MBLAC2: variants seen among roughly 807,000 people sequenced by gnomAD.
MBLAC2 encodes the protein acyl-coenzyme A thioesterase MBLAC2.
A neutral mutation model predicts 23.3 loss-of-function variants in MBLAC2; 24 were observed. The ratio of observed to expected loss-of-function variants is 1.03; its 90% CI spans 0.75 to 1.45. The LOEUF (loss-of-function observed/expected upper bound fraction) is 1.45. Ranked by LOEUF, MBLAC2 falls within the 40% of genes most tolerant of loss-of-function variation. The pLI is 0.00. For missense variants in MBLAC2, 358 were observed against 370.0 expected, an observed-to-expected ratio of 0.97 and a Z score of 0.27; for synonymous variants, 162 against 150.9, an observed-to-expected ratio of 1.07 and a Z score of -0.54.
intron 1 of MBLAC2, chr5:90,473,636 C>G (rs1265703040): frequency 1.4e-6 from 1 of 695,448 alleles, no homozygotes; most frequent in Non-Finnish European, 2.6e-6. Flanking sequence ...GATGCCAGAG[C>G]TGGTCTCTGG....
chr5:90,464,161 C>A (rs981790035), intron 1 of MBLAC2, among the ~76,000 whole-genome samples: 1 of 152,138 alleles, frequency 6.6e-6, no homozygotes, highest in South Asian at 2.1e-4. Flanking sequence ...CATTTTATAA[C>A]GGGACAATTT....
intron 1 of MBLAC2, among the ~76,000 whole-genome samples, chr5:90,471,377 A>G (rs567734509): frequency 2.4e-4 from 37 of 152,316 alleles, no homozygotes; most frequent in African/African-American, 8.7e-4. Flanking sequence ...ACTTGACTAT[A>G]GTGAAAAATG....
At chr5:90,473,817 C>T in intron 1 of MBLAC2, 22 bp downstream of exon 1, 2 of 1,554,072 alleles carry the variant, frequency 1.3e-6, no homozygotes, top group African/African-American at 1.4e-5. Context: ...AACGAGAGCG[C>T]GCGCCCGCGG....
chr5:90,474,234 T>G lies in MBLAC2; in HGVS notation c.59A>C (p.Gln20Pro). 6.2e-7 allele frequency: 1 copy of G among 1,613,512 alleles called. No homozygotes were observed. The highest frequency in any genetic ancestry group is 1.3e-5 in the African/African-American group (1 of 75,012). The stretch of plus-strand genomic sequence containing the variant: ...GTTGCCCGACTCGTAGAAACGTTCT[T>G]GAATCCAGAAGATACCATCGCCTAG... The part of the protein sequence containing the change: ...KSLGDGIFWI[Q>P]ERFYESGNRA... The change falls in exon 1 of 2, where the codon CAA (glutamine) becomes CCA (proline). Residue 20 changes from glutamine to proline, a missense_variant. Gln to Pro is a moderately conservative substitution (Grantham distance 76). Coordinates refer to ENST00000316610, the MANE Select transcript of MBLAC2 (RefSeq NM_203406.2).
intron 1 of MBLAC2, among the ~76,000 whole-genome samples, chr5:90,463,706 C>A (rs575788630): frequency 1.3e-5 from 2 of 152,090 alleles, no homozygotes; most frequent in South Asian, 2.1e-4. Context: ...AAGAACAAAT[C>A]AAACACAAAG....
intron 1 of MBLAC2, among the ~76,000 whole-genome samples, chr5:90,466,935 C>T (rs1447406532): frequency 2.6e-5 from 4 of 152,070 alleles, no homozygotes; most frequent in Admixed American, 6.6e-5. Flanking sequence ...GTCAGGAGTT[C>T]GAGATCACCC....
rs931538221 is a variant in MBLAC2 at position 90,458,797 on chromosome 5, A to C, written c.*2370T>G. The C allele has an allele frequency of 1.3e-5, 2 of 152,202 alleles. No homozygotes were observed. Among genetic ancestry groups the C allele is most frequent in the Non-Finnish European group, 2.9e-5 (2 of 68,010 alleles). 9.4% of individuals were successfully genotyped at this position (152,202 alleles called of 1,614,324 possible). ...GGAGTAAGATTAAATTAAATAATGC[A>C]TATTTTAAATGTACAGCATGGGCAC... On this transcript the variant is annotated 3_prime_UTR_variant, in exon 2 of 2. Coordinates refer to ENST00000316610, the MANE Select transcript of MBLAC2 (RefSeq NM_203406.2).
rs114749727 is a variant in MBLAC2, at chr5:90,474,741, C to A, written c.-449G>T. On this transcript the variant is annotated 5_prime_UTR_variant, in exon 1 of 2. Coordinates refer to ENST00000316610, the MANE Select transcript of MBLAC2 (RefSeq NM_203406.2). ...CTGCAGGGCGCGCACTCCCAGCTGG[C>A]GCAGAAAGTGTGGGGCCTCGCGGGT... 0.031 allele frequency: 5,839 copies of A among 187,640 alleles called. 383 individuals carry two copies. The highest frequency in any genetic ancestry group is 0.13 in the African/African-American group (5,557 of 41,758). 11.6% of individuals were successfully genotyped at this position (187,640 alleles called of 1,614,324 possible). A position where few individuals can be genotyped will look rare whatever the true frequency, so the allele number is the denominator to read the frequency against.
intron 1 of MBLAC2, among the ~76,000 whole-genome samples, chr5:90,466,252 C>T (rs541152043): frequency 5.9e-5 from 9 of 152,298 alleles, no homozygotes; most frequent in South Asian, 2.1e-4. Flanking sequence ...GATAATTCAA[C>T]GGATAAAATG....
intron 1 of MBLAC2, among the ~76,000 whole-genome samples, chr5:90,464,263 G>C (rs946543585): frequency 6.6e-6 from 1 of 152,022 alleles, no homozygotes; most frequent in East Asian, 1.9e-4. Context: ...GCCAGACAAA[G>C]ACAATATATT....
At chr5:90,465,535 G>A (rs904082519) in intron 1 of MBLAC2, among the ~76,000 whole-genome samples, 1 of 152,134 alleles carries the variant, frequency 6.6e-6, no homozygotes, top group Non-Finnish European at 1.5e-5. Flanking sequence ...AATGGTGCTT[G>A]AAATAAAGCT....
intron 1 of MBLAC2, chr5:90,473,503 G>T (rs140174925): frequency 3.8e-5 from 22 of 585,668 alleles, no homozygotes; most frequent in African/African-American, 3.6e-4. Flanking sequence ...GGTGCTTAGG[G>T]AAAGAATGAG....
Position 90,460,966 on chromosome 5 carries a change from C to A in MBLAC2, c.*201G>T. ...GATGACAGCTTTGGCAAAGTATAAGCTTATTTAAGTGGCTTCTTTCTTGGA... is the reference window on the plus strand; with the variant it reads ...GATGACAGCTTTGGCAAAGTATAAGATTATTTAAGTGGCTTCTTTCTTGGA... On this transcript the variant is annotated 3_prime_UTR_variant, in exon 2 of 2. Coordinates refer to ENST00000316610, the MANE Select transcript of MBLAC2 (RefSeq NM_203406.2). 2.0e-6 allele frequency: 1 copy of A among 494,638 alleles called. No individual in the cohort carries two copies. Among genetic ancestry groups the A allele is most frequent in the Non-Finnish European group, 3.5e-6 (1 of 287,828 alleles). The allele number at this position is 494,638 out of a possible 1,614,324, so 30.6% of individuals were successfully genotyped here. A position where few individuals can be genotyped will look rare whatever the true frequency, so the allele number is the denominator to read the frequency against.
chr5:90,474,243 A>T lies in MBLAC2; in HGVS notation c.50T>A (p.Phe17Tyr). 6.2e-7 allele frequency: 1 copy of T among 1,613,646 alleles called. No homozygotes were observed. Among genetic ancestry groups the T allele is most frequent in the Non-Finnish European group, 8.5e-7 (1 of 1,179,840 alleles). ...CTCGTAGAAACGTTCTTGAATCCAG[A>T]AGATACCATCGCCTAGAGACTTGTG... Reference protein sequence around the residue: ...YAHKSLGDGIFWIQERFYESG... With the variant: ...YAHKSLGDGIYWIQERFYESG... Residue 17 changes from phenylalanine (F) to tyrosine (Y), a missense_variant, in exon 1 of 2, where the codon TTC becomes TAC. Physicochemically the swap from Phe to Tyr is conservative, Grantham distance 22 (BLOSUM62 3). Coordinates refer to ENST00000316610, the MANE Select transcript of MBLAC2 (RefSeq NM_203406.2).
intron 1 of MBLAC2, among the ~76,000 whole-genome samples, chr5:90,470,785 C>CACACACACACACACA (rs3220210): frequency 1.4e-5 from 2 of 148,068 alleles, no homozygotes; most frequent in Non-Finnish European, 3.0e-5. Flanking sequence ...CACACACACA[C>CACACACACACACACA]GCTTTCTTTC....
At chr5:90,469,665 G>C (rs1202196198) in intron 1 of MBLAC2, among the ~76,000 whole-genome samples, 1 of 151,866 alleles carries the variant, frequency 6.6e-6, no homozygotes, top group Non-Finnish European at 1.5e-5. Flanking sequence ...TATAATGCTT[G>C]GTTGCCTATT....
chr5:90,463,259 T>A (rs1369574446), intron 1 of MBLAC2, among the ~76,000 whole-genome samples: 1 of 152,226 alleles, frequency 6.6e-6, no homozygotes, highest in East Asian at 1.9e-4. Flanking sequence ...AATTTTTATA[T>A]TTTTAGTAGA....
intron 1 of MBLAC2, chr5:90,472,030 CT>C (rs1561240944): frequency 6.6e-6 from 1 of 152,184 alleles, no homozygotes; most frequent in Non-Finnish European, 1.5e-5. Context: ...CTACCATCAA[CT>C]GGAAACCTGG....
rs1045889679 is a variant in MBLAC2, at chr5:90,460,963, A to C, written c.*204T>G. ...CAAGATGACAGCTTTGGCAAAGTAT[A>C]AGCTTATTTAAGTGGCTTCTTTCTT... On this transcript the variant is annotated 3_prime_UTR_variant, in exon 2 of 2. Transcript: ENST00000316610. The C allele has an allele frequency of 8.2e-6, 4 of 485,546 alleles. No homozygotes were observed. Among genetic ancestry groups the C allele is most frequent in the Non-Finnish European group, 1.4e-5 (4 of 281,244 alleles). 30.1% of individuals were successfully genotyped at this position (485,546 alleles called of 1,614,324 possible). A position where few individuals can be genotyped will look rare whatever the true frequency, so the allele number is the denominator to read the frequency against.
Sources: allele counts gnomAD v4.1 joint callset (sites outside exome capture counted in the v4.1 genomes callset), GRCh38; gene constraint gnomAD v4.1.1; transcripts MANE v1.5; gene names NCBI Gene and HGNC (gene_info 2026-07-23, HGNC 2026-07-21).